The following KIF15 variants were observed in gnomAD, a reference collection of about 807,000 sequenced individuals.
The protein encoded by KIF15 is kinesin-like protein KIF15.
KIF15 carries 140 observed loss-of-function variants against 190.6 expected under a neutral mutation model. The ratio of observed to expected loss-of-function variants is 0.73; its 90% CI spans 0.64 to 0.84. The LOEUF is 0.84. Ranked by LOEUF, KIF15 falls within the 40% of genes least tolerant of loss-of-function variation. The probability of loss-of-function intolerance (pLI) is 0.00; values close to 1 mark genes in which losing one functional copy is unlikely to be tolerated. For missense variants in KIF15, 1,372 were observed against 1,584.4 expected (o/e 0.87, Z 2.28); for synonymous variants, 528 against 551.3 (o/e 0.96, Z 0.59).
intron 6 of KIF15, chr3:44,862,191 TGCGGGGCCC>T (rs1699263672): frequency 5.1e-6 from 1 of 196,174 alleles, no homozygotes; most frequent in Non-Finnish European, 7.1e-6. Context: ...GGAGGGGCGC[TGCGGGGCCC>T]GCGGGGCTCT....
chr3:44,794,695 C>T (rs1289011329), intron 8 of KIF15, among the ~76,000 whole-genome samples: 1 of 152,160 alleles, frequency 6.6e-6, no homozygotes, highest in Non-Finnish European at 1.5e-5. Flanking sequence ...GGCGCGGTGG[C>T]TCACACCTGT....
At chr3:44,808,619 C>G (rs761466225) in intron 16 of KIF15, among the ~76,000 whole-genome samples, 2 of 138,572 alleles carry the variant, frequency 1.4e-5, no homozygotes, top group Non-Finnish European at 3.1e-5. Flanking sequence ...TAAAAAAAAA[C>G]GGTCATTCTT....
At chr3:44,792,650 G>A (rs193070406) in intron 7 of KIF15, among the ~76,000 whole-genome samples, 3 of 151,320 alleles carry the variant, frequency 2.0e-5, no homozygotes, top group Non-Finnish European at 4.4e-5. Context: ...GGGTTCAAGC[G>A]ATTCTCCTGC....
rs113453852 is a variant in KIF15 at position 44,768,045 on chromosome 3, G to A, written c.19+6161G>A. On this transcript the variant is annotated intron_variant, in intron 1 of 34. Transcript: ENST00000326047. ...AATCCCAGCACTTTGGGAGGCCAAC[G>A]CGGGCAGATCACAAAGTCAGGAGAT... 4.6e-3 allele frequency among the ~76,000 whole-genome samples: 701 copies of A among 152,064 alleles called. 3 individuals carry two copies. The highest frequency in any genetic ancestry group is 0.015 in the African/African-American group (639 of 41,478).
intron 10 of KIF15, among the ~76,000 whole-genome samples, chr3:44,798,755 T>A (rs1164956317): frequency 6.6e-6 from 1 of 152,218 alleles, no homozygotes; most frequent in East Asian, 1.9e-4. Flanking sequence ...TCTTTCTTCC[T>A]GCCAACAGCC....
chr3:44,813,043 C>G, intron 18 of KIF15, 32 bp from the exon 19 acceptor site: 1 of 1,349,546 alleles, frequency 7.4e-7, no homozygotes, highest in Non-Finnish European at 1.0e-6. Flanking sequence ...GCCAGTATTC[C>G]TTTTCCAGTA....
intron 8 of KIF15, among the ~76,000 whole-genome samples, chr3:44,794,666 A>G (rs1410616576): frequency 6.6e-6 from 1 of 152,076 alleles, no homozygotes; most frequent in African/African-American, 2.4e-5. Context: ...CATTTCTTAA[A>G]ATGTACCCCT....
chr3:44,831,220 G>A (rs912088893), intron 26 of KIF15, among the ~76,000 whole-genome samples: 2 of 152,064 alleles, frequency 1.3e-5, no homozygotes, highest in African/African-American at 4.8e-5. Context: ...CACCCTGACT[G>A]CTTGCTGTGC....
At chr3:44,798,265 C>T (rs542632274) in intron 10 of KIF15, among the ~76,000 whole-genome samples, 3 of 151,944 alleles carry the variant, frequency 2.0e-5, no homozygotes, top group African/African-American at 4.8e-5. Flanking sequence ...TGGGCTCAAG[C>T]GATCCTCCTG....
Position 44,848,544 on chromosome 3 carries a change from G to A in KIF15, c.3792G>A (p.Leu1264=). ...AGAGTAAAATAGTTGAAGAAATGCT[G>A]AAAATGAAAGCAGAGTAAGTGTACT... The part of the protein sequence containing the change: ...LAKSKIVEEM[L]KMKADLEEVQ... The change falls in exon 32 of 35, where the codon CTG becomes CTA. Residue 1264 remains leucine, a synonymous_variant. Transcript: ENST00000326047. 8.3e-7 allele frequency: 1 copy of A among 1,201,684 alleles called. No individual in the cohort carries two copies. Among genetic ancestry groups the A allele is most frequent in the Non-Finnish European group, 1.2e-6 (1 of 835,644 alleles). 74.4% of individuals were successfully genotyped at this position (1,201,684 alleles called of 1,614,324 possible). A position where few individuals can be genotyped will look rare whatever the true frequency, so the allele number is the denominator to read the frequency against.
At chr3:44,767,603 G>A (rs1432472867) in intron 1 of KIF15, among the ~76,000 whole-genome samples, 2 of 151,960 alleles carry the variant, frequency 1.3e-5, no homozygotes, top group Non-Finnish European at 2.9e-5. Context: ...AGTTGTAAGA[G>A]TGTGGAGCTC....
At chr3:44,861,773 C>A in intron 6 of KIF15, 1 of 865,818 alleles carries the variant, frequency 1.2e-6, no homozygotes, top group Non-Finnish European at 1.7e-6. Context: ...GCCACCTGGC[C>A]CGCCCCCTCC....
intron 1 of KIF15, among the ~76,000 whole-genome samples, chr3:44,771,356 T>C (rs1365038172): frequency 6.6e-6 from 1 of 152,200 alleles, no homozygotes; most frequent in Non-Finnish European, 1.5e-5. Context: ...ACTAGAATTT[T>C]AGGAATCCTT....
Position 44,800,315 on chromosome 3 carries a change from C to T in KIF15, c.1100C>T (p.Ala367Val), listed in dbSNP as rs1400102912. 6.2e-7 allele frequency: 1 copy of T among 1,613,686 alleles called. No individual in the cohort carries two copies. The highest frequency in any genetic ancestry group is 1.1e-5 in the South Asian group (1 of 91,036). Residue 367 changes from alanine to valine, a missense_variant and splice_region_variant, in exon 11 of 35, where the codon GCA becomes GTA. By Grantham distance (64) the Ala-to-Val change is moderately conservative. Coordinates refer to ENST00000326047, the MANE Select transcript of KIF15 (RefSeq NM_020242.3). Reference protein sequence around the residue: ...AQRAKLIKNKAVVNEDTQGNV... With the variant: ...AQRAKLIKNKVVVNEDTQGNV... ...GCTTTTTAAAAAATTCCTGAACAGG[C>T]AGTAGTAAATGAAGACACCCAAGGA...
chr3:44,861,604 C>T (rs1322905810), intron 6 of KIF15, among the ~76,000 whole-genome samples: 2 of 152,214 alleles, frequency 1.3e-5, no homozygotes, highest in East Asian at 1.9e-4. Context: ...CACCGGGAGC[C>T]GGGTGGCCGG....
In KIF15 at chr3:44,775,244, T is replaced by G. The variant is rs1052187169; in HGVS notation, c.63-10T>G. ...AAACTGAACTGTTACTTTCTTTTTT[T>G]TGTCTTTAGTAATGAAGGTGATGCC... On this transcript the variant is annotated splice_polypyrimidine_tract_variant and intron_variant, in intron 2 of 34. Transcript: ENST00000326047. 1.0e-5 allele frequency: 16 copies of G among 1,605,230 alleles called. No homozygotes were observed. The highest frequency in any genetic ancestry group is 1.3e-5 in the Non-Finnish European group (15 of 1,174,484).
chr3:44,801,211 G>GT (rs1553649608), intron 11 of KIF15, among the ~76,000 whole-genome samples: 7 of 145,032 alleles, frequency 4.8e-5, no homozygotes, highest in Non-Finnish European at 9.1e-5. Flanking sequence ...GGGGCGGCGG[G>GT]AGGGGGGGGT....
At chr3:44,831,184 A>G (rs1057207721) in intron 26 of KIF15, among the ~76,000 whole-genome samples, 166 bp downstream of exon 26, 1 of 152,014 alleles carries the variant, frequency 6.6e-6, no homozygotes, top group African/African-American at 2.4e-5. Flanking sequence ...TTCTACCTCT[A>G]CCTCACTGCC....
At chr3:44,805,389 A>C (rs1707450760) in intron 15 of KIF15, among the ~76,000 whole-genome samples, 1 of 152,194 alleles carries the variant, frequency 6.6e-6, no homozygotes, top group Non-Finnish European at 1.5e-5. Context: ...TCCTGTTGAG[A>C]GTCTATTGAA....
Sources: gnomAD v4.1 joint callset for allele counts (sites outside exome capture counted in the v4.1 genomes callset) on GRCh38, gnomAD v4.1.1 for gene constraint, MANE v1.5 for transcripts, NCBI Gene and HGNC (gene_info 2026-07-23, HGNC 2026-07-21) for gene names.